PUS10: variants seen among roughly 807,000 people sequenced by gnomAD.
PUS10 encodes the protein tRNA pseudouridine synthase Pus10.
PUS10 carries 59 observed loss-of-function variants against 75.0 expected under a neutral mutation model. The observed-to-expected ratio is 0.79, with a 90% CI of 0.64 to 0.98. PUS10 has a LOEUF of 0.98. PUS10 is among the 50% of genes least tolerant of loss of function. The pLI is 0.00. For missense variants in PUS10, 650 were observed against 614.4 expected (o/e 1.06, Z -0.61); for synonymous variants, 219 against 211.6 (o/e 1.03, Z -0.30).
At chr2:61,016,907 C>G (rs1355884342) in intron 1 of PUS10, among the ~76,000 whole-genome samples, 1 of 152,154 alleles carries the variant, frequency 6.6e-6, no homozygotes, top group Non-Finnish European at 1.5e-5. Flanking sequence ...GGTGATCACA[C>G]TTCACTGGGC....
At chr2:61,006,943 A>G (rs1418288787) in intron 3 of PUS10, among the ~76,000 whole-genome samples, 1 of 152,198 alleles carries the variant, frequency 6.6e-6, no homozygotes, top group African/African-American at 2.4e-5. Flanking sequence ...AAACCCAAAT[A>G]TAGCACTCTT....
chr2:60,951,595 A>G (rs1675343048), intron 15 of PUS10, among the ~76,000 whole-genome samples: 1 of 152,180 alleles, frequency 6.6e-6, no homozygotes, highest in African/African-American at 2.4e-5. Flanking sequence ...ATAAGAATCT[A>G]ATGCCACCAC....
intron 16 of PUS10, among the ~76,000 whole-genome samples, chr2:60,947,828 C>CAAAAAAAAAAAAAAAAAA (rs890632119): frequency 4.3e-5 from 2 of 46,048 alleles, no homozygotes; most frequent in Non-Finnish European, 9.3e-5. Flanking sequence ...GACTCTGCCT[C>CAAAAAAAAAAAAAAAAAA]AAAAAAAAAA....
intron 11 of PUS10, among the ~76,000 whole-genome samples, chr2:60,956,057 C>T (rs145339897): frequency 1.5e-3 from 223 of 150,386 alleles, no homozygotes; most frequent in African/African-American, 5.0e-3. Flanking sequence ...TTGATCGTCA[C>T]GGACTAAAAG....
intron 12 of PUS10, 42 bp downstream of exon 12, chr2:60,954,976 C>A: frequency 7.5e-7 from 1 of 1,342,152 alleles, no homozygotes; most frequent in South Asian, 1.4e-5. Context: ...GGATGATAAT[C>A]AGAAAGTTAG....
intron 1 of PUS10, chr2:61,017,676 C>T: frequency 9.0e-7 from 1 of 1,111,322 alleles, no homozygotes. Flanking sequence ...GTGTTCTGCC[C>T]GTTGTGTCTT....
In PUS10 at chr2:60,948,191, G is replaced by A. The variant is rs1210562354; in HGVS notation, c.1309-6C>T. 6.2e-7 allele frequency: 1 copy of A among 1,613,886 alleles called. No homozygotes were observed. Among genetic ancestry groups the A allele is most frequent in the Middle Eastern group, 1.7e-4 (1 of 6,060 alleles). ...TTCTGGTCGATTTTTAAGTCCTAGG[G>A]GAGAATATGACACACAGTCCCAGAG... On this transcript the variant is annotated splice_polypyrimidine_tract_variant and splice_region_variant and intron_variant, in intron 15 of 17. Transcript: ENST00000316752.
chr2:60,964,619 A>C (rs1676227328), intron 8 of PUS10, among the ~76,000 whole-genome samples: 1 of 152,240 alleles, frequency 6.6e-6, no homozygotes, highest in Non-Finnish European at 1.5e-5. Context: ...ACTGTCCTAA[A>C]TAAAACAACT....
At position 61,009,028 on chromosome 2, in the gene PUS10, T is replaced by C. The variant is rs1425890462; in HGVS notation, c.127-13A>G. On this transcript the variant is annotated splice_polypyrimidine_tract_variant and intron_variant, in intron 2 of 17. Transcript: ENST00000316752. ...CATTGAGCAACTCCTGGAAAGTTAA[T>C]GAAAGAAAAAGTAATGACCCACTGA... is the stretch of plus-strand genomic sequence containing the variant. The C allele has an allele frequency of 1.9e-6, 3 of 1,601,026 alleles. No homozygotes were observed. The highest frequency in any genetic ancestry group is 1.7e-6 in the Non-Finnish European group (2 of 1,175,450).
intron 16 of PUS10, among the ~76,000 whole-genome samples, chr2:60,946,301 A>T (rs1674939603): frequency 6.6e-6 from 1 of 152,244 alleles, no homozygotes; most frequent in South Asian, 2.1e-4. Flanking sequence ...TATATAAGGT[A>T]TATATAAAGT....
chr2:60,955,766 CA>C (rs1269862358), intron 11 of PUS10, among the ~76,000 whole-genome samples: 2 of 152,128 alleles, frequency 1.3e-5, no homozygotes, highest in African/African-American at 4.8e-5. Context: ...CGTTAAAATC[CA>C]ACCTTAACTA....
chr2:60,971,958 CT>C (rs1049050330), intron 4 of PUS10, among the ~76,000 whole-genome samples: 1 of 144,596 alleles, frequency 6.9e-6, no homozygotes, highest in African/African-American at 2.6e-5. Context: ...GCAACCTCTG[CT>C]TCCTAGGTTC....
intron 4 of PUS10, among the ~76,000 whole-genome samples, chr2:60,983,717 G>C (rs1677551345): frequency 6.6e-6 from 1 of 151,136 alleles, no homozygotes. Context: ...TATCAGAATA[G>C]AGCTAACAAT....
chr2:61,010,785 T>C, intron 2 of PUS10: 1 of 1,550,178 alleles, frequency 6.5e-7, no homozygotes, highest in Non-Finnish European at 8.7e-7. Context: ...TTCCAAATCC[T>C]AGGTTTTGAA....
chr2:61,017,909 G>GT, intron 1 of PUS10, 99 bp downstream of exon 1: 1 of 1,509,864 alleles, frequency 6.6e-7, no homozygotes, highest in Non-Finnish European at 9.0e-7. Context: ...GACTTGGCAG[G>GT]AGGCGGTTGT....
intron 2 of PUS10, chr2:61,009,728 AG>A (rs1398364262): frequency 6.6e-6 from 1 of 152,300 alleles, no homozygotes; most frequent in Non-Finnish European, 1.5e-5. Context: ...AAATACTCAG[AG>A]GATTTTCCTC....
At chr2:60,968,976 C>T (rs951657873) in intron 5 of PUS10, among the ~76,000 whole-genome samples, 1 of 152,038 alleles carries the variant, frequency 6.6e-6, no homozygotes, top group Non-Finnish European at 1.5e-5. Flanking sequence ...AATATTTGCA[C>T]AAAATAGCAT....
chr2:60,956,551 G>A (rs1388311869), intron 11 of PUS10, among the ~76,000 whole-genome samples: 1 of 152,158 alleles, frequency 6.6e-6, no homozygotes, highest in African/African-American at 2.4e-5. Context: ...TCATAAGTCA[G>A]CCATAAAACT....
chr2:60,999,342 C>T (rs1038139126), intron 4 of PUS10, among the ~76,000 whole-genome samples: 1 of 152,042 alleles, frequency 6.6e-6, no homozygotes, highest in Non-Finnish European at 1.5e-5. Context: ...ACTATAGGGC[C>T]GGGTGCAGTA....
Sources: allele counts gnomAD v4.1 joint callset (sites outside exome capture counted in the v4.1 genomes callset), GRCh38; gene constraint gnomAD v4.1.1; transcripts MANE v1.5; gene names NCBI Gene and HGNC (gene_info 2026-07-23, HGNC 2026-07-21).